KSR2: variants seen among roughly 807,000 people sequenced by gnomAD.
The protein encoded by KSR2 is kinase suppressor of ras 2.
A neutral mutation model predicts 107.8 loss-of-function variants in KSR2; 25 were observed. That is an observed-to-expected ratio of 0.23 (90% CI 0.17 to 0.32). KSR2 has a LOEUF of 0.32. Ranked by LOEUF, KSR2 falls within the 10% of genes least tolerant of loss-of-function variation. The pLI, the probability that KSR2 is intolerant of heterozygous loss-of-function variation, is 1.00. For missense variants in KSR2, 887 were observed against 1,268.9 expected (o/e 0.70, Z 4.57); for synonymous variants, 480 against 507.0 (o/e 0.95, Z 0.71).
At chr12:117,942,649 T>C (rs1391159798) in intron 1 of KSR2, among the ~76,000 whole-genome samples, 3 of 148,890 alleles carry the variant, frequency 2.0e-5, no homozygotes, top group African/African-American at 7.5e-5. Flanking sequence ...CCATCACACC[T>C]GGCTAAATTT....
At chr12:117,677,554 G>T (rs1356629490) in intron 4 of KSR2, among the ~76,000 whole-genome samples, 1 of 152,262 alleles carries the variant, frequency 6.6e-6, no homozygotes, top group Admixed American at 6.5e-5. Context: ...CTCGATCTGT[G>T]ATATTTTGTG....
chr12:117,684,905 T>C (rs758181268), intron 4 of KSR2, among the ~76,000 whole-genome samples: 7 of 152,106 alleles, frequency 4.6e-5, no homozygotes, highest in African/African-American at 7.2e-5. Flanking sequence ...ACCGTAAGAG[T>C]TGATCGCATG....
chr12:117,957,069 T>C (rs1046901848), intron 1 of KSR2, among the ~76,000 whole-genome samples: 5 of 152,252 alleles, frequency 3.3e-5, no homozygotes, highest in African/African-American at 1.2e-4. Context: ...TGATTGTCAT[T>C]AATCCTATGG....
chr12:117,892,880 C>T (rs1169881220), intron 1 of KSR2, among the ~76,000 whole-genome samples: 1 of 150,960 alleles, frequency 6.6e-6, no homozygotes, highest in Non-Finnish European at 1.5e-5. Context: ...ACTCCAAATG[C>T]AGGACTGTGG....
intron 1 of KSR2, among the ~76,000 whole-genome samples, chr12:117,925,889 C>T (rs1219359332): frequency 2.6e-5 from 4 of 152,136 alleles, no homozygotes; most frequent in Non-Finnish European, 5.9e-5. Flanking sequence ...TAATGGGTGC[C>T]TATGGATATT....
At chr12:117,934,077 C>T (rs1408743491) in intron 1 of KSR2, among the ~76,000 whole-genome samples, 4 of 152,166 alleles carry the variant, frequency 2.6e-5, no homozygotes, top group Non-Finnish European at 5.9e-5. Flanking sequence ...CCTTTTGATC[C>T]TTATGCCCTA....
chr12:117,727,347 C>A (rs1887470486), intron 4 of KSR2, among the ~76,000 whole-genome samples: 1 of 151,836 alleles, frequency 6.6e-6, no homozygotes, highest in South Asian at 2.1e-4. Context: ...TACACTCCAG[C>A]CTGGGTGACA....
rs1870960556 is a variant in KSR2, at chr12:117,462,621, G to C, written c.*4578C>G. ...CAGATGGGTGAGAGATGATACATCTGTTGTTGTAGGCCCCAGTGGGTGGTG... is the reference window on the plus strand; with the variant it reads ...CAGATGGGTGAGAGATGATACATCTCTTGTTGTAGGCCCCAGTGGGTGGTG... On this transcript the variant is annotated 3_prime_UTR_variant, in exon 20 of 20. Coordinates refer to ENST00000339824, the MANE Select transcript of KSR2 (RefSeq NM_173598.6). The C allele has an allele frequency of 6.6e-6, 1 of 152,284 alleles. No homozygotes were observed. The highest frequency in any genetic ancestry group is 2.4e-5 in the African/African-American group (1 of 41,460). The allele number at this position is 152,284 out of a possible 1,614,324, so 9.4% of individuals were successfully genotyped here. A position where few individuals can be genotyped will look rare whatever the true frequency, so the allele number is the denominator to read the frequency against.
At position 117,455,908 on chromosome 12, in the gene KSR2, A is replaced by G. The variant is rs1870594963; in HGVS notation, c.*11291T>C. On this transcript the variant is annotated 3_prime_UTR_variant, in exon 20 of 20. Coordinates refer to ENST00000339824, the MANE Select transcript of KSR2 (RefSeq NM_173598.6). The stretch of plus-strand genomic sequence containing the variant: ...AGCTATGGGAGCTCATGGAGAACAG[A>G]GACTCCAAATTGGATGCCATCTTGG... 1 of 152,208 alleles carries G rather than the reference A, an allele frequency of 6.6e-6. No homozygotes were observed. Among genetic ancestry groups the G allele is most frequent in the Non-Finnish European group, 1.5e-5 (1 of 68,048 alleles). The allele number at this position is 152,208 out of a possible 1,614,324, so 9.4% of individuals were successfully genotyped here. A position where few individuals can be genotyped will look rare whatever the true frequency, so the allele number is the denominator to read the frequency against.
At chr12:117,824,106 G>A (rs963493241) in intron 3 of KSR2, among the ~76,000 whole-genome samples, 2 of 152,132 alleles carry the variant, frequency 1.3e-5, no homozygotes, top group Non-Finnish European at 2.9e-5. Context: ...GCAGCAACAC[G>A]GATGGAACTG....
chr12:117,876,244 TTGAC>T (rs1051594511), intron 1 of KSR2, among the ~76,000 whole-genome samples: 8 of 152,246 alleles, frequency 5.3e-5, no homozygotes. Context: ...AGAGAATTAT[TTGAC>T]TGGAGAACGT....
intron 1 of KSR2, among the ~76,000 whole-genome samples, chr12:117,961,206 G>C (rs941860304): frequency 6.6e-6 from 1 of 152,108 alleles, no homozygotes; most frequent in Non-Finnish European, 1.5e-5. Flanking sequence ...GCACTGATGA[G>C]GGCAACTTTG....
At chr12:117,874,570 C>A (rs552323672) in intron 1 of KSR2, among the ~76,000 whole-genome samples, 1 of 152,196 alleles carries the variant, frequency 6.6e-6, no homozygotes, top group South Asian at 2.1e-4. Flanking sequence ...GGAAACCAGG[C>A]CTTGGAATTG....
chr12:117,903,558 G>A (rs11068728), intron 1 of KSR2, among the ~76,000 whole-genome samples: 9,367 of 152,208 alleles, frequency 0.062, 429 homozygotes, highest in Middle Eastern at 0.088. Context: ...CCTGCCTGGG[G>A]GCAAACAGCT....
chr12:117,583,443 GGA>G (rs1879812270), intron 5 of KSR2, among the ~76,000 whole-genome samples: 4 of 151,420 alleles, frequency 2.6e-5, no homozygotes, highest in African/African-American at 9.7e-5. Context: ...ATGGATGGAT[GGA>G]TGGATGGATG....
At chr12:117,467,912 G>GGGTTTCTGA in intron 19 of KSR2, 1 of 204,972 alleles carries the variant, frequency 4.9e-6, no homozygotes, top group Admixed American at 1.1e-4. Context: ...CTAGACCACA[G>GGGTTTCTGA]TCCTGTGTTT....
intron 5 of KSR2, among the ~76,000 whole-genome samples, chr12:117,613,273 C>G (rs547798489): frequency 2.9e-4 from 44 of 152,278 alleles, no homozygotes; most frequent in African/African-American, 9.9e-4. Flanking sequence ...TACATTTTGA[C>G]CTAACAATTC....
chr12:117,834,977 G>A (rs1213163157), intron 3 of KSR2, among the ~76,000 whole-genome samples: 1 of 152,200 alleles, frequency 6.6e-6, no homozygotes, highest in Non-Finnish European at 1.5e-5. Context: ...GTCTTCGAGG[G>A]CAGGGATGCA....
intron 3 of KSR2, among the ~76,000 whole-genome samples, chr12:117,762,785 T>C (rs1296715810): frequency 6.6e-6 from 1 of 151,956 alleles, no homozygotes; most frequent in Non-Finnish European, 1.5e-5. Context: ...TAAGAATCGC[T>C]TGAACCCAGG....
Sources: allele counts gnomAD v4.1 joint callset (sites outside exome capture counted in the v4.1 genomes callset), GRCh38; gene constraint gnomAD v4.1.1; transcripts MANE v1.5; gene names NCBI Gene and HGNC (gene_info 2026-07-23, HGNC 2026-07-21).